NUP98: variants seen among roughly 807,000 people sequenced by gnomAD.
NUP98 encodes nuclear pore complex protein Nup98-Nup96.
In NUP98, 26 loss-of-function variants were observed where a neutral mutation model predicts 191.9. The observed-to-expected ratio is 0.14, with a 90% CI of 0.10 to 0.19. The LOEUF (loss-of-function observed/expected upper bound fraction) is 0.19, where lower values mean the gene tolerates loss of function less well. NUP98 is among the 10% of genes least tolerant of loss of function. The probability of loss-of-function intolerance (pLI) is 1.00; values close to 1 mark genes in which losing one functional copy is unlikely to be tolerated. For missense variants in NUP98, 1,941 were observed against 2,178.8 expected (o/e 0.89, Z 2.17); for synonymous variants, 808 against 778.4 (o/e 1.04, Z -0.63).
intron 16 of NUP98, among the ~76,000 whole-genome samples, chr11:3,721,350 A>G (rs2079393540): frequency 6.6e-6 from 1 of 152,182 alleles, no homozygotes. Flanking sequence ...CCTGTTTTGC[A>G]TAAACCTCTT....
At chr11:3,678,209 T>A (rs2133996787) in intron 31 of NUP98, among the ~76,000 whole-genome samples, 1 of 152,172 alleles carries the variant, frequency 6.6e-6, no homozygotes, top group Non-Finnish European at 1.5e-5. Context: ...TTTTGTTTAA[T>A]CTTTGTGAAA....
intron 1 of NUP98, among the ~76,000 whole-genome samples, chr11:3,795,614 CCTA>C (rs1299355120): frequency 1.3e-5 from 2 of 151,922 alleles, no homozygotes; most frequent in African/African-American, 4.8e-5. Context: ...TTACTGAGGG[CCTA>C]CTATGTGGCA....
rs2134231439 is a variant in NUP98 at position 3,723,469 on chromosome 11, GA to G, written c.1848-15del. ...AGGAAACTAAATCTGCAAAGGAAAAGAAATAATACCTTAGCCTCTTGTAGTA... is the reference window on the plus strand; with the variant it reads ...AGGAAACTAAATCTGCAAAGGAAAAGAATAATACCTTAGCCTCTTGTAGTA... On this transcript the variant is annotated splice_polypyrimidine_tract_variant and intron_variant, in intron 15 of 32. Transcript: ENST00000324932. 1.2e-6 allele frequency: 2 copies of G among 1,608,472 alleles called. No individual in the cohort carries two copies. Among genetic ancestry groups the G allele is most frequent in the East Asian group, 4.5e-5 (2 of 44,828 alleles).
chr11:3,744,475 T>G lies in NUP98; in HGVS notation c.1408+34A>C, dbSNP rs755600377. The G allele has an allele frequency of 3.3e-5, 52 of 1,569,232 alleles. No homozygotes were observed. In the Middle Eastern group the frequency reaches 5.1e-4, roughly 16 times the overall value. The stretch of plus-strand genomic sequence containing the variant: ...CAGGTCAGCAAGTATTAGCAAAAAA[T>G]TAAGAAAAGCCTTCTAAAGTGACTG... On this transcript the variant is annotated intron_variant, in intron 12 of 32. Coordinates refer to ENST00000324932, the MANE Select transcript of NUP98 (RefSeq NM_016320.5).
At chr11:3,774,540 C>G (rs960538588) in intron 5 of NUP98, among the ~76,000 whole-genome samples, 3 of 152,084 alleles carry the variant, frequency 2.0e-5, no homozygotes, top group African/African-American at 7.2e-5. Flanking sequence ...GCCTGGCCAA[C>G]ATGGTGAAAC....
chr11:3,693,009 T>C (rs1004841972), intron 27 of NUP98: 5 of 457,842 alleles, frequency 1.1e-5, no homozygotes, highest in African/African-American at 7.9e-5. Context: ...GCATTAGAAA[T>C]GAAGAAGAAC....
chr11:3,755,521 TAAAG>T (rs1208772610), intron 10 of NUP98, among the ~76,000 whole-genome samples: 2 of 151,682 alleles, frequency 1.3e-5, no homozygotes, highest in African/African-American at 2.4e-5. Flanking sequence ...ACAAACAGAA[TAAAG>T]AGACTATTTT....
intron 1 of NUP98, among the ~76,000 whole-genome samples, chr11:3,795,255 C>T (rs1244214231): frequency 2.6e-5 from 4 of 152,016 alleles, no homozygotes; most frequent in Non-Finnish European, 4.4e-5. Context: ...GCCTGGGCAA[C>T]ATAGCGAAAC....
At chr11:3,684,186 T>A (rs2078067512) in intron 29 of NUP98, among the ~76,000 whole-genome samples, 1 of 152,176 alleles carries the variant, frequency 6.6e-6, no homozygotes, top group South Asian at 2.1e-4. Context: ...CACTCCAGCC[T>A]GGGCGACAAG....
chr11:3,694,288 C>G (rs1204342037), intron 26 of NUP98, among the ~76,000 whole-genome samples: 2 of 150,950 alleles, frequency 1.3e-5, no homozygotes, highest in Non-Finnish European at 3.0e-5. Flanking sequence ...GGAGAATCGC[C>G]TGATCCTGGG....
intron 1 of NUP98, among the ~76,000 whole-genome samples, chr11:3,783,546 A>G (rs2133956176): frequency 6.6e-6 from 1 of 152,258 alleles, no homozygotes; most frequent in South Asian, 2.1e-4. Context: ...TAAAAATACA[A>G]AAATTAGCCA....
At position 3,702,741 on chromosome 11, in the gene NUP98, G is replaced by C. The variant is rs776659810; in HGVS notation, c.3234C>G (p.Phe1078Leu). Residue 1078 changes from phenylalanine (F) to leucine (L), a missense_variant, in exon 23 of 33, where the codon TTC becomes TTG. Physicochemically the swap from Phe to Leu is conservative, Grantham distance 22. Coordinates refer to ENST00000324932, the MANE Select transcript of NUP98 (RefSeq NM_016320.5). ...CCTCAGGGGCTGGGCTGGGCATTGT[G>C]AACACAGAAGTCAGGGGTGGAGGGA... is the stretch of plus-strand genomic sequence containing the variant. ...WSVPPPLTSV[F>L]TMPSPAPEVP... The C allele has an allele frequency of 4.3e-6, 7 of 1,614,062 alleles. No homozygotes were observed. The East Asian group carries it at 1.3e-4, about 31-fold the overall frequency.
intron 13 of NUP98, among the ~76,000 whole-genome samples, chr11:3,732,197 G>A (rs2079876343): frequency 1.3e-5 from 2 of 152,002 alleles, no homozygotes; most frequent in African/African-American, 4.8e-5. Context: ...GCAGTAAGCC[G>A]AGATCGCACC....
In NUP98 at chr11:3,763,305, T is replaced by C. The variant is rs368048827; in HGVS notation, c.949-266A>G. The stretch of plus-strand genomic sequence containing the variant: ...GTTCAAACCTATATTTAAGCCCCTG[T>C]TCTTCCCAGGATGATGAACTCCAAG... On this transcript the variant is annotated intron_variant, in intron 8 of 32. Transcript: ENST00000324932. Among the ~76,000 whole-genome samples, 3 of 152,158 alleles carry C rather than the reference T, an allele frequency of 2.0e-5. No homozygotes were observed. The East Asian group carries it at 5.8e-4, about 29-fold the overall frequency.
intron 9 of NUP98, among the ~76,000 whole-genome samples, chr11:3,760,848 T>C (rs1046234034): frequency 6.6e-6 from 1 of 152,142 alleles, no homozygotes; most frequent in South Asian, 2.1e-4. Flanking sequence ...AAGTTAATGG[T>C]AACCCCTAAG....
At chr11:3,684,076 G>C (rs542681749) in intron 29 of NUP98, among the ~76,000 whole-genome samples, 3 of 152,014 alleles carry the variant, frequency 2.0e-5, no homozygotes, top group Admixed American at 2.0e-4. Context: ...GCTGGGTGTG[G>C]TGGCAGGCGT....
rs2077769456 is a variant in NUP98, at chr11:3,675,249, C to T, written c.*910G>A. On this transcript the variant is annotated 3_prime_UTR_variant, in exon 33 of 33. Coordinates refer to ENST00000324932, the MANE Select transcript of NUP98 (RefSeq NM_016320.5). ...CAGCAGTGTAGCAAAGGCCCTCTGC[C>T]TGCCCCTAACGCCCAACTCCATGCC... 4.6e-6 allele frequency: 1 copy of T among 219,612 alleles called. No homozygotes were observed. The allele number at this position is 219,612 out of a possible 1,614,324, so 13.6% of individuals were successfully genotyped here. A position where few individuals can be genotyped will look rare whatever the true frequency, so the allele number is the denominator to read the frequency against.
chr11:3,774,030 A>C (rs369410364), intron 5 of NUP98, among the ~76,000 whole-genome samples: 1 of 152,190 alleles, frequency 6.6e-6, no homozygotes, highest in Non-Finnish European at 1.5e-5. Flanking sequence ...GCATAAAGAA[A>C]GCTTTACCCA....
chr11:3,752,115 G>C (rs531811964), intron 11 of NUP98, among the ~76,000 whole-genome samples: 8 of 151,180 alleles, frequency 5.3e-5, no homozygotes, highest in Non-Finnish European at 1.5e-5. Flanking sequence ...CTGCACTCCA[G>C]CCTGGGGGAC....
Sources: gnomAD v4.1 joint callset for allele counts (sites outside exome capture counted in the v4.1 genomes callset) on GRCh38, gnomAD v4.1.1 for gene constraint, MANE v1.5 for transcripts, NCBI Gene and HGNC (gene_info 2026-07-23, HGNC 2026-07-21) for gene names.